CNTNAP3: variants seen among roughly 807,000 people sequenced by gnomAD.
CNTNAP3 encodes contactin associated protein family member 3, also known as contactin-associated protein-like 3.
CNTNAP3 carries 36 observed loss-of-function variants against 92.1 expected under a neutral mutation model. The ratio of observed to expected loss-of-function variants is 0.39; its 90% CI spans 0.30 to 0.52. The LOEUF (loss-of-function observed/expected upper bound fraction) is 0.52. CNTNAP3 is among the 20% of genes least tolerant of loss of function. The pLI is 0.76. For synonymous variants in CNTNAP3, 232 were observed against 422.3 expected (o/e 0.55, Z 5.53); for missense variants, 534 against 1,069.6 (o/e 0.50, Z 6.98).
intron 18 of CNTNAP3, among the ~76,000 whole-genome samples, chr9:39,089,819 AT>A (rs1294436616): frequency 6.6e-6 from 1 of 152,022 alleles, no homozygotes; most frequent in African/African-American, 2.4e-5. Context: ...GTTGCCAACT[AT>A]TTTTTCATGA....
rs920166908 is a variant in CNTNAP3, at chr9:39,069,814, T to G, written c.*4076A>C. Among the ~76,000 whole-genome samples the G allele has an allele frequency of 1.3e-5, 2 of 152,270 alleles. No individual in the cohort carries two copies. Among genetic ancestry groups the G allele is most frequent in the African/African-American group, 4.8e-5 (2 of 41,482 alleles). ...TAGCCTGAGCTACATCCATTGGGAG[T>G]GATGTGAAGGAAGAGAAAAGCGTTG... On this transcript the variant is annotated 3_prime_UTR_variant, in exon 24 of 24. Coordinates refer to ENST00000297668, the MANE Select transcript of CNTNAP3 (RefSeq NM_033655.5).
At chr9:39,085,405 A>G (rs968665393) in intron 21 of CNTNAP3, 1 of 311,066 alleles carries the variant, frequency 3.2e-6, no homozygotes, top group Admixed American at 4.6e-5. Context: ...GATGTTGATT[A>G]ATACATACAT....
At chr9:39,104,306 C>G (rs1219087993) in intron 15 of CNTNAP3, among the ~76,000 whole-genome samples, 1 of 151,992 alleles carries the variant, frequency 6.6e-6, no homozygotes, top group Admixed American at 6.6e-5. Flanking sequence ...TTTGGTCTAA[C>G]TGGGAGGGGA....
At chr9:39,091,622 A>G (rs939199377) in intron 18 of CNTNAP3, among the ~76,000 whole-genome samples, 3 of 151,888 alleles carry the variant, frequency 2.0e-5, no homozygotes, top group Admixed American at 6.6e-5. Context: ...GGGTTTTCAC[A>G]TCTATCTACT....
chr9:39,137,148 C>T (rs193274276), intron 12 of CNTNAP3, among the ~76,000 whole-genome samples: 1,834 of 151,856 alleles, frequency 0.012, 37 homozygotes, highest in African/African-American at 0.041. Flanking sequence ...TGCCACTGTA[C>T]TCAGATATTA....
chr9:39,109,748 A>G (rs1826697550), intron 14 of CNTNAP3, among the ~76,000 whole-genome samples: 1 of 152,190 alleles, frequency 6.6e-6, no homozygotes, highest in Admixed American at 6.5e-5. Flanking sequence ...CCAAAGCAAG[A>G]GGTTATCAAC....
intron 13 of CNTNAP3, among the ~76,000 whole-genome samples, chr9:39,122,437 T>C (rs1164430175): frequency 6.6e-6 from 1 of 151,918 alleles, no homozygotes; most frequent in Admixed American, 6.6e-5. Context: ...ATCAATCACA[T>C]CAGTACATTA....
chr9:39,119,797 C>T (rs954730772), intron 13 of CNTNAP3, among the ~76,000 whole-genome samples: 3 of 151,868 alleles, frequency 2.0e-5, no homozygotes, highest in African/African-American at 7.3e-5. Flanking sequence ...AGCTTAGGAC[C>T]CCAGGACTGG....
At chr9:39,080,799 C>G (rs545311541) in intron 21 of CNTNAP3, among the ~76,000 whole-genome samples, 4 of 137,202 alleles carry the variant, frequency 2.9e-5, no homozygotes, top group African/African-American at 1.1e-4. Flanking sequence ...GTAGTTGGGA[C>G]TACAGGCATG....
intron 12 of CNTNAP3, 54 bp downstream of exon 12, chr9:39,140,465 G>C: frequency 6.3e-7 from 1 of 1,593,426 alleles, no homozygotes; most frequent in Non-Finnish European, 8.5e-7. Context: ...TGCCAACTAG[G>C]TAAATTTCTC....
In CNTNAP3 at chr9:39,069,426, T is replaced by C. The variant is rs1198762617; in HGVS notation, c.*4464A>G. On this transcript the variant is annotated 3_prime_UTR_variant, in exon 24 of 24. Transcript: ENST00000297668. The stretch of plus-strand genomic sequence containing the variant: ...TAGGTACCATCACAAGCTAGCTAAG[T>C]TAGAAATTTTCATATCGCAAAATCT... Among the ~76,000 whole-genome samples the C allele has an allele frequency of 6.6e-6, 1 of 152,312 alleles. No homozygotes were observed.
chr9:39,285,876 C>T lies in CNTNAP3; in HGVS notation c.85+2104G>A, dbSNP rs1398475829. On this transcript the variant is annotated intron_variant, in intron 1 of 23. Coordinates refer to ENST00000297668, the MANE Select transcript of CNTNAP3 (RefSeq NM_033655.5). ...CATGCCATCATCAACAGGTTGCCTT[C>T]GTGGGTGGCCAATGTGCTTCTCGAA... Among the ~76,000 whole-genome samples, 6 of 58,170 alleles carry T rather than the reference C, an allele frequency of 1.0e-4. 1 individual carries two copies. Among genetic ancestry groups the T allele is most frequent in the African/African-American group, 2.3e-4 (6 of 25,860 alleles). The allele number at this position is 58,170 out of a possible 152,430, so 38.2% of individuals were successfully genotyped here. A position where few individuals can be genotyped will look rare whatever the true frequency, so the allele number is the denominator to read the frequency against.
At chr9:39,089,054 C>G (rs1399376560) in intron 18 of CNTNAP3, among the ~76,000 whole-genome samples, 1 of 151,960 alleles carries the variant, frequency 6.6e-6, no homozygotes, top group Non-Finnish European at 1.5e-5. Flanking sequence ...TGTAATAGAC[C>G]CAATTACAGT....
chr9:39,109,944 T>A (rs1455792687), intron 14 of CNTNAP3, among the ~76,000 whole-genome samples: 1 of 152,220 alleles, frequency 6.6e-6, no homozygotes, highest in Non-Finnish European at 1.5e-5. Flanking sequence ...TTTTTTAAAG[T>A]CCTTTTATGA....
intron 18 of CNTNAP3, among the ~76,000 whole-genome samples, chr9:39,098,308 C>T (rs1624666): frequency 8.7e-5 from 13 of 149,810 alleles, no homozygotes; most frequent in Non-Finnish European, 1.6e-4. Flanking sequence ...ATACACACAC[C>T]CCCCAAATAT....
At position 39,091,124 on chromosome 9, in the gene CNTNAP3, AATAGAG is replaced by A. The variant is rs1002827689; in HGVS notation, c.2996-2483_2996-2478del. 1.1e-4 allele frequency among the ~76,000 whole-genome samples: 16 copies of A among 151,916 alleles called. No individual in the cohort carries two copies. In the South Asian group the frequency reaches 2.9e-3, roughly 28 times the overall value. On this transcript the variant is annotated intron_variant, in intron 18 of 23. Coordinates refer to ENST00000297668, the MANE Select transcript of CNTNAP3 (RefSeq NM_033655.5). ...TATATAAAAAATCATGTCATCCTCA[AATAGAG>A]ATAGTTTTATTTCCTTTCTAATTTG...
At chr9:39,116,296 G>A (rs990490175) in intron 14 of CNTNAP3, among the ~76,000 whole-genome samples, 5 of 152,146 alleles carry the variant, frequency 3.3e-5, no homozygotes, top group Non-Finnish European at 7.3e-5. Flanking sequence ...ACAGACCAAT[G>A]AGCTGGAGGT....
intron 13 of CNTNAP3, among the ~76,000 whole-genome samples, chr9:39,130,251 T>G (rs534605346): frequency 6.6e-5 from 10 of 152,096 alleles, no homozygotes; most frequent in African/African-American, 2.2e-4. Flanking sequence ...CCAGATGCCC[T>G]TCAATGAGTG....
At chr9:39,114,295 C>A (rs1038270249) in intron 14 of CNTNAP3, among the ~76,000 whole-genome samples, 7 of 151,890 alleles carry the variant, frequency 4.6e-5, no homozygotes, top group African/African-American at 7.3e-5. Context: ...CTGTGTTAGC[C>A]AGGATGGTCT....
Sources: gnomAD v4.1 joint callset for allele counts (sites outside exome capture counted in the v4.1 genomes callset) on GRCh38, gnomAD v4.1.1 for gene constraint, MANE v1.5 for transcripts, NCBI Gene and HGNC (gene_info 2026-07-23, HGNC 2026-07-21) for gene names.